The following ATP10B variants were observed in gnomAD, a reference collection of about 807,000 sequenced individuals.
ATP10B encodes ATPase phospholipid transporting 10B (putative).
ATP10B carries 122 observed loss-of-function variants against 141.2 expected under a neutral mutation model. That is an observed-to-expected ratio of 0.86 (90% CI 0.75 to 1.00). The LOEUF is 1.00. ATP10B is among the 50% of genes least tolerant of loss of function. The pLI is 0.00. For synonymous variants in ATP10B, 685 were observed against 692.0 expected, an observed-to-expected ratio of 0.99 and a Z score of 0.16; for missense variants, 1,876 against 1,825.3, an observed-to-expected ratio of 1.03 and a Z score of -0.51.
the ATP10B span, among the ~76,000 whole-genome samples, chr5:160,929,187 C>T: frequency 0.084 from 12,749 of 152,214 alleles, 601 homozygotes; most frequent in East Asian, 0.18. Context: ...GAAGAAAAAT[C>T]ACCCCCAAGC....
chr5:160,834,508 C>T (rs1234187909), intron 1 of ATP10B, among the ~76,000 whole-genome samples: 1 of 152,036 alleles, frequency 6.6e-6, no homozygotes, highest in African/African-American at 2.4e-5. Context: ...ATTAATGGAT[C>T]TGTACAAAAG....
chr5:160,584,998 A>T (rs1427942044), intron 24 of ATP10B, among the ~76,000 whole-genome samples: 2 of 152,188 alleles, frequency 1.3e-5, no homozygotes, highest in African/African-American at 4.8e-5. Context: ...GTTTTATATT[A>T]TACAATTTAA....
chr5:160,843,185 T>C (rs1379674950), intron 1 of ATP10B, among the ~76,000 whole-genome samples: 1 of 152,074 alleles, frequency 6.6e-6, no homozygotes, highest in Non-Finnish European at 1.5e-5. Context: ...TATTTCAACA[T>C]AAAGAGGTTT....
At chr5:160,928,363 G>A in the ATP10B span, among the ~76,000 whole-genome samples, 1 of 152,154 alleles carries the variant, frequency 6.6e-6, no homozygotes, top group Non-Finnish European at 1.5e-5. Flanking sequence ...ATTAGTTATT[G>A]AGCATGGTCA....
intron 6 of ATP10B, among the ~76,000 whole-genome samples, chr5:160,684,547 G>A (rs762952702): frequency 6.6e-6 from 1 of 152,120 alleles, no homozygotes; most frequent in Non-Finnish European, 1.5e-5. Flanking sequence ...GGCCACACTG[G>A]GTTAAGAGGA....
At chr5:160,877,772 A>G in the ATP10B span, among the ~76,000 whole-genome samples, 1 of 116,974 alleles carries the variant, frequency 8.5e-6, no homozygotes, top group Non-Finnish European at 2.0e-5. Flanking sequence ...TCATGAGTGA[A>G]CTCCCATTCA....
At chr5:160,874,138 T>G in the ATP10B span, among the ~76,000 whole-genome samples, 1 of 152,092 alleles carries the variant, frequency 6.6e-6, no homozygotes, top group Non-Finnish European at 1.5e-5. Context: ...TGTCCCTGTC[T>G]GACAGCTTTG....
Position 160,740,713 on chromosome 5 carries a change from C to T in ATP10B, c.-330-23679G>A, listed in dbSNP as rs550038537. 9.8e-5 allele frequency among the ~76,000 whole-genome samples: 15 copies of T among 152,324 alleles called. No individual in the cohort carries two copies. In the South Asian group the frequency reaches 2.7e-3, roughly 27 times the overall value. On this transcript the variant is annotated intron_variant, in intron 2 of 25. Transcript: ENST00000327245. ...GCTGAATTAGGTAATGGTACATTGG[C>T]ACCACCTTTCCTCAGGTTTCTTCAG...
intron 2 of ATP10B, among the ~76,000 whole-genome samples, chr5:160,777,394 G>A (rs12187731): frequency 0.11 from 17,354 of 152,158 alleles, 1,076 homozygotes; most frequent in Middle Eastern, 0.14. Flanking sequence ...AAATCCTGCT[G>A]GCCAGTCCAT....
intron 3 of ATP10B, among the ~76,000 whole-genome samples, chr5:160,706,245 T>C (rs1011518816): frequency 1.3e-5 from 2 of 152,198 alleles, no homozygotes; most frequent in African/African-American, 4.8e-5. Context: ...AACCAGCACA[T>C]GCTGTTGGAA....
upstream of ATP10B, among the ~76,000 whole-genome samples, chr5:160,856,262 A>G (rs563215513): frequency 6.6e-6 from 1 of 151,862 alleles, no homozygotes; most frequent in South Asian, 2.1e-4. Flanking sequence ...AACATCGTGT[A>G]GTTTTTAGCA....
intron 2 of ATP10B, among the ~76,000 whole-genome samples, chr5:160,777,352 C>T (rs183902757): frequency 1.1e-4 from 16 of 152,296 alleles, no homozygotes; most frequent in South Asian, 4.1e-4. Context: ...GCTATCACTG[C>T]TCAAGGCTGC....
intron 1 of ATP10B, among the ~76,000 whole-genome samples, chr5:160,803,257 C>A (rs1772519472): frequency 1.3e-5 from 2 of 152,176 alleles, no homozygotes; most frequent in South Asian, 4.1e-4. Flanking sequence ...CTGCTGTTGA[C>A]CACTACCCCA....
the ATP10B span, among the ~76,000 whole-genome samples, chr5:160,928,026 C>T: frequency 1.3e-5 from 2 of 152,096 alleles, no homozygotes; most frequent in Non-Finnish European, 2.9e-5. Context: ...AGAGCAACAG[C>T]CAGGGCTGCT....
chr5:160,705,765 T>A (rs1047833844), intron 3 of ATP10B, among the ~76,000 whole-genome samples: 5 of 152,242 alleles, frequency 3.3e-5, no homozygotes, highest in African/African-American at 9.6e-5. Context: ...AATAGCACTT[T>A]TAATTTTCTT....
At chr5:160,706,607 A>T (rs982372654) in intron 3 of ATP10B, among the ~76,000 whole-genome samples, 1 of 152,198 alleles carries the variant, frequency 6.6e-6, no homozygotes, top group African/African-American at 2.4e-5. Context: ...TGCCCTGGTT[A>T]GTTTGTTTAA....
At chr5:160,607,469 C>G (rs1487575993) in intron 18 of ATP10B, among the ~76,000 whole-genome samples, 4 of 152,318 alleles carry the variant, frequency 2.6e-5, no homozygotes, top group Non-Finnish European at 1.5e-5. Flanking sequence ...TTCCTCAGAA[C>G]ATTCCTGCGT....
chr5:160,765,113 G>A (rs1322390179), intron 2 of ATP10B, among the ~76,000 whole-genome samples: 1 of 152,104 alleles, frequency 6.6e-6, no homozygotes. Context: ...TTCATGAATG[G>A]GTAGAATCAA....
intron 2 of ATP10B, among the ~76,000 whole-genome samples, chr5:160,735,638 C>A (rs902336118): frequency 6.6e-6 from 1 of 151,894 alleles, no homozygotes; most frequent in Non-Finnish European, 1.5e-5. Flanking sequence ...CATTATAGAC[C>A]AAATGGATCT....
Sources: allele counts gnomAD v4.1 joint callset (sites outside exome capture counted in the v4.1 genomes callset), GRCh38; gene constraint gnomAD v4.1.1; transcripts MANE v1.5; gene names NCBI Gene and HGNC (gene_info 2026-07-23, HGNC 2026-07-21).